The following MAP3K5 variants were observed in gnomAD, a reference collection of about 807,000 sequenced individuals.
MAP3K5 encodes mitogen-activated protein kinase kinase kinase 5, also known as ASK-1.
Under a neutral mutation model 158.7 loss-of-function variants are expected in MAP3K5, and 56 were observed. That is an observed-to-expected ratio of 0.35 (90% CI 0.28 to 0.44). MAP3K5 has a LOEUF of 0.44. Ranked by LOEUF, MAP3K5 falls within the 20% of genes least tolerant of loss-of-function variation. The probability of loss-of-function intolerance (pLI) is 1.00; values close to 1 mark genes in which losing one functional copy is unlikely to be tolerated. For synonymous variants in MAP3K5, 579 were observed against 601.7 expected (o/e 0.96, Z 0.55); for missense variants, 1,294 against 1,674.8 (o/e 0.77, Z 3.97).
intron 7 of MAP3K5, among the ~76,000 whole-genome samples, chr6:136,689,559 T>C (rs1368739934): frequency 6.6e-6 from 1 of 152,184 alleles, no homozygotes. Flanking sequence ...TGGAGCCTAA[T>C]GAAAGGTGAA....
intron 7 of MAP3K5, among the ~76,000 whole-genome samples, chr6:136,678,104 G>C (rs940874763): frequency 3.3e-5 from 5 of 151,964 alleles, no homozygotes; most frequent in African/African-American, 1.2e-4. Context: ...CTACCCTTTG[G>C]TTTGTACTAA....
intron 14 of MAP3K5, among the ~76,000 whole-genome samples, chr6:136,625,731 G>A (rs947446246): frequency 4.6e-5 from 7 of 152,104 alleles, no homozygotes; most frequent in African/African-American, 7.2e-5. Context: ...TACTGATAAT[G>A]CACCACTAAA....
intron 1 of MAP3K5, among the ~76,000 whole-genome samples, chr6:136,790,970 T>A (rs1214958336): frequency 6.6e-6 from 1 of 151,920 alleles, no homozygotes; most frequent in East Asian, 1.9e-4. Context: ...AAACTAATCT[T>A]ATTATTAGGA....
intron 25 of MAP3K5, among the ~76,000 whole-genome samples, chr6:136,575,603 ATTTC>A (rs1774581498): frequency 6.6e-6 from 1 of 152,094 alleles, no homozygotes; most frequent in Admixed American, 6.5e-5. Context: ...TGTAACTAGT[ATTTC>A]TTTATTTCTC....
chr6:136,761,302 A>C (rs889829683), intron 1 of MAP3K5, among the ~76,000 whole-genome samples: 2 of 151,450 alleles, frequency 1.3e-5, no homozygotes. Context: ...AAAAAAAAAA[A>C]AAAAACGAAC....
intron 1 of MAP3K5, among the ~76,000 whole-genome samples, chr6:136,752,336 A>G (rs1186285994): frequency 6.6e-6 from 1 of 152,214 alleles, no homozygotes; most frequent in Non-Finnish European, 1.5e-5. Flanking sequence ...ACAGTCAGAG[A>G]GCCCAGCTCT....
chr6:136,787,698 T>C (rs1202211134), intron 1 of MAP3K5, among the ~76,000 whole-genome samples: 1 of 152,176 alleles, frequency 6.6e-6, no homozygotes, highest in Non-Finnish European at 1.5e-5. Context: ...CTTCTAACCC[T>C]GGTCAATTTT....
chr6:136,757,128 C>T (rs767862499), intron 1 of MAP3K5, among the ~76,000 whole-genome samples: 7 of 152,154 alleles, frequency 4.6e-5, no homozygotes, highest in African/African-American at 1.4e-4. Context: ...GGGAAGGTGT[C>T]GTAGGGTTCC....
At chr6:136,788,447 C>T (rs1449534585) in intron 1 of MAP3K5, among the ~76,000 whole-genome samples, 1 of 152,132 alleles carries the variant, frequency 6.6e-6, no homozygotes, top group Non-Finnish European at 1.5e-5. Context: ...AACTAAAGAG[C>T]TTCTACACAA....
rs574677088 is a variant in MAP3K5 at position 136,616,345 on chromosome 6, C to T, written c.2151-2059G>A. On this transcript the variant is annotated intron_variant, in intron 15 of 29. Transcript: ENST00000359015. ...TTGAGATGGAGTTTCACTCTTGTCG[C>T]CCAGGCTGGGGTGCAATGGCGTGAT... Among the ~76,000 whole-genome samples, 87 of 147,654 alleles carry T rather than the reference C, an allele frequency of 5.9e-4. 3 individuals carry two copies. The South Asian group carries it at 0.015, about 26-fold the overall frequency.
chr6:136,722,872 A>C (rs1160584871), intron 1 of MAP3K5, among the ~76,000 whole-genome samples: 2 of 151,606 alleles, frequency 1.3e-5, no homozygotes, highest in Non-Finnish European at 2.9e-5. Context: ...AATTTTTTGT[A>C]AACACAGGTA....
chr6:136,732,817 T>C lies in MAP3K5; in HGVS notation c.449-12228A>G, dbSNP rs76215061. On this transcript the variant is annotated intron_variant, in intron 1 of 29. Coordinates refer to ENST00000359015, the MANE Select transcript of MAP3K5 (RefSeq NM_005923.4). ...AAAAACACCATTTTTTGAACTCTTA[T>C]CTGCCTACAATAGAGGTAAAGGAAA... 9.3e-3 allele frequency among the ~76,000 whole-genome samples: 1,409 copies of C among 152,308 alleles called. 24 individuals carry two copies. Among genetic ancestry groups the C allele is most frequent in the African/African-American group, 0.032 (1,325 of 41,568 alleles).
At chr6:136,568,025 C>T in intron 25 of MAP3K5, 151 bp from the exon 26 acceptor site, 1 of 794,536 alleles carries the variant, frequency 1.3e-6, no homozygotes. Flanking sequence ...TCTGTAGACT[C>T]AGATTTGTTC....
chr6:136,618,203 C>T (rs1776648890), intron 15 of MAP3K5, among the ~76,000 whole-genome samples: 2 of 152,180 alleles, frequency 1.3e-5, no homozygotes, highest in Admixed American at 1.3e-4. Flanking sequence ...CATCACACTA[C>T]TTTTGTAATT....
chr6:136,669,200 T>C (rs1583385185), intron 8 of MAP3K5, 83 bp downstream of exon 8: 11 of 876,566 alleles, frequency 1.3e-5, no homozygotes, highest in Non-Finnish European at 1.9e-5. Context: ...AAGCAAAAGA[T>C]TTATCTATTC....
chr6:136,752,581 T>G (rs1783263077), intron 1 of MAP3K5, among the ~76,000 whole-genome samples: 1 of 152,058 alleles, frequency 6.6e-6, no homozygotes, highest in African/African-American at 2.4e-5. Context: ...CCAGCTCATT[T>G]TTGTATTTTT....
intron 23 of MAP3K5, among the ~76,000 whole-genome samples, chr6:136,589,490 T>C (rs1224328379): frequency 6.6e-6 from 1 of 152,196 alleles, no homozygotes; most frequent in Non-Finnish European, 1.5e-5. Flanking sequence ...GGAAGGGGAT[T>C]CTTCCTTGTG....
intron 23 of MAP3K5, among the ~76,000 whole-genome samples, chr6:136,586,688 C>T (rs892797045): frequency 1.3e-5 from 2 of 152,062 alleles, no homozygotes; most frequent in Non-Finnish European, 2.9e-5. Flanking sequence ...AGTATTGATC[C>T]TGGGTGTGTC....
At chr6:136,590,610 A>G (rs1246702410) in intron 23 of MAP3K5, among the ~76,000 whole-genome samples, 2 of 149,150 alleles carry the variant, frequency 1.3e-5, no homozygotes, top group African/African-American at 2.5e-5. Flanking sequence ...GCGCGATCTC[A>G]GCTCACTGCA....
Sources: allele counts gnomAD v4.1 joint callset (sites outside exome capture counted in the v4.1 genomes callset), GRCh38; gene constraint gnomAD v4.1.1; transcripts MANE v1.5; gene names NCBI Gene and HGNC (gene_info 2026-07-23, HGNC 2026-07-21).